Variants in MYO1C observed in about 807,000 individuals in gnomAD.
The protein encoded by MYO1C is myosin IC.
Under a neutral mutation model 150.8 loss-of-function variants are expected in MYO1C, and 104 were observed. The observed-to-expected ratio is 0.69, with a 90% CI of 0.59 to 0.81. The LOEUF (loss-of-function observed/expected upper bound fraction) is 0.81, where lower values mean the gene tolerates loss of function less well. MYO1C is among the 30% of genes least tolerant of loss of function. The pLI is 0.00. For synonymous variants in MYO1C, 663 were observed against 579.9 expected, an observed-to-expected ratio of 1.14 and a Z score of -2.06; for missense variants, 1,504 against 1,435.0, an observed-to-expected ratio of 1.05 and a Z score of -0.78.
chr17:1,487,840 G>C (rs1227788534), intron 1 of MYO1C, among the ~76,000 whole-genome samples: 1 of 152,222 alleles, frequency 6.6e-6, no homozygotes. Context: ...AGAATCGCTT[G>C]AACCCGGGAG....
Position 1,467,269 on chromosome 17 carries a change from G to C in MYO1C, c.3138C>G (p.Thr1046=). The part of the protein sequence containing the change: ...DFTPGSELLI[T]KAKNGHLAVV... ...CAGCCAGGTGCCCGTTCTTGGCCTT[G>C]GTGATGAGCAGCTCCGAGCCGGGTG... The change falls in exon 31 of 32, where the codon ACC becomes ACG. Residue 1046 remains threonine, a synonymous_variant. Coordinates refer to ENST00000648651, the MANE Select transcript of MYO1C (RefSeq NM_001080779.2). 1 of 1,613,402 alleles carries C rather than the reference G, an allele frequency of 6.2e-7. No homozygotes were observed. Among genetic ancestry groups the C allele is most frequent in the Non-Finnish European group, 8.5e-7 (1 of 1,179,756 alleles).
chr17:1,468,181 G>A (rs1236807688), intron 27 of MYO1C, 58 bp from the exon 28 acceptor site: 12 of 1,610,920 alleles, frequency 7.4e-6, no homozygotes, highest in South Asian at 1.1e-5. Flanking sequence ...CTCCGCCCCT[G>A]CCCTGACCTG....
intron 1 of MYO1C, chr17:1,484,901 G>A (rs866551301): frequency 1.1e-4 from 5 of 45,960 alleles, no homozygotes; most frequent in Middle Eastern, 5.8e-3. Flanking sequence ...CACCTCCACC[G>A]GTAGAGCGTC....
Position 1,478,614 on chromosome 17 carries a change from A to T in MYO1C, c.1212+2T>A. ...TGGGAGCAGTGTGGACCGAGCCCTC[A>T]CCTTGGAGGCCAGCGACCTGTTGAT... On this transcript the variant is annotated splice_donor_variant, in intron 10 of 31. Coordinates refer to ENST00000648651, the MANE Select transcript of MYO1C (RefSeq NM_001080779.2). LOFTEE classifies it high-confidence loss of function. The surrounding 1 kb of genome is among the most constrained non-coding windows in gnomAD (Gnocchi z 6.3). The T allele has an allele frequency of 6.2e-7, 1 of 1,613,920 alleles. No individual in the cohort carries two copies. The highest frequency in any genetic ancestry group is 8.5e-7 in the Non-Finnish European group (1 of 1,179,956).
intron 2 of MYO1C, 97 bp downstream of exon 2, chr17:1,484,051 A>G: frequency 2.0e-6 from 3 of 1,505,350 alleles, no homozygotes; most frequent in Non-Finnish European, 2.7e-6. Flanking sequence ...AAAAAAAAAA[A>G]AAAAGTTTAT....
In MYO1C at chr17:1,470,040, A is replaced by G. The variant is rs545609813; in HGVS notation, c.2526+135T>C. ...AGACTCCATCTCAAAAAAAAAAGAG[A>G]CCTTACTTTTCACTGCTCAGCTCTG... On this transcript the variant is annotated intron_variant, in intron 24 of 31. Transcript: ENST00000648651. 5 of 929,256 alleles carry G rather than the reference A, an allele frequency of 5.4e-6. No homozygotes were observed. In the African/African-American group the frequency reaches 6.7e-5, roughly 12 times the overall value. The allele number at this position is 929,256 out of a possible 1,614,324, so 57.6% of individuals were successfully genotyped here. A position where few individuals can be genotyped will look rare whatever the true frequency, so the allele number is the denominator to read the frequency against.
intron 1 of MYO1C, among the ~76,000 whole-genome samples, chr17:1,487,429 G>A (rs2074676896): frequency 6.6e-6 from 1 of 152,254 alleles, no homozygotes; most frequent in South Asian, 2.1e-4. Context: ...GCGAGGCTGC[G>A]GCAGGTGCGG....
chr17:1,484,449 C>T (rs1225954783), intron 1 of MYO1C, 146 bp from the exon 2 acceptor site: 6 of 506,086 alleles, frequency 1.2e-5, no homozygotes, highest in African/African-American at 9.4e-5. Context: ...GTGCGGGGGG[C>T]CTGGGTGCTG....
Position 1,479,224 on chromosome 17 carries a change from C to T in MYO1C, c.1092+207G>A, listed in dbSNP as rs138908079. On this transcript the variant is annotated intron_variant, in intron 9 of 31. Coordinates refer to ENST00000648651, the MANE Select transcript of MYO1C (RefSeq NM_001080779.2). This position sits in a 1 kb window ranked among gnomAD's most constrained non-coding sequence, Gnocchi z 4.2. ...GCCAAGATGGTCTCGAACTCCTGAC[C>T]TCAGGTGACCTGCCCACCTCAGCCT... Among the ~76,000 whole-genome samples, 233 of 152,260 alleles carry T rather than the reference C, an allele frequency of 1.5e-3. 1 individual carries two copies. The highest frequency in any genetic ancestry group is 5.5e-3 in the African/African-American group (229 of 41,546).
chr17:1,468,698 C>T, intron 25 of MYO1C: 1 of 609,232 alleles, frequency 1.6e-6, no homozygotes, highest in South Asian at 1.9e-5. Context: ...AAGCACTCCC[C>T]AGCGGGGTCA....
rs779937370 is a variant in MYO1C, at chr17:1,474,686, A to G, written c.1721T>C (p.Met574Thr). Residue 574 changes from methionine (M) to threonine (T), a missense_variant, in exon 17 of 32, where the codon ATG (methionine) becomes ACG (threonine). Transcript: ENST00000648651. ...CATAATGGGATTCTTTGAGCTACAC[A>G]TGGTCTGTGTGGGCAGAGCCGGGGT... ...DLLFRNLKET[M>T]CSSKNPIMSQ... 4.3e-6 allele frequency: 7 copies of G among 1,613,924 alleles called. No individual in the cohort carries two copies. The highest frequency in any genetic ancestry group is 1.6e-4 in the Middle Eastern group (1 of 6,062).
At chr17:1,476,649 G>C (rs886384130) in intron 14 of MYO1C, among the ~76,000 whole-genome samples, 2 of 152,224 alleles carry the variant, frequency 1.3e-5, no homozygotes, top group Non-Finnish European at 2.9e-5. Context: ...AGCAGCTGCA[G>C]GTGAAGCGAC....
chr17:1,471,873 C>T, intron 19 of MYO1C, 34 bp downstream of exon 19: 1 of 1,603,492 alleles, frequency 6.2e-7, no homozygotes. Context: ...CCTCCCGCTC[C>T]CCTTCCCTGG....
At chr17:1,476,988 G>C (rs1455622895) in intron 14 of MYO1C, among the ~76,000 whole-genome samples, 2 of 151,654 alleles carry the variant, frequency 1.3e-5, no homozygotes, top group Non-Finnish European at 2.9e-5. Context: ...ATAGGCACCT[G>C]CCACCACACC....
chr17:1,492,557 G>A lies in MYO1C; in HGVS notation c.-70C>T. The A allele has an allele frequency of 6.9e-7, 1 of 1,447,358 alleles. No individual in the cohort carries two copies. The highest frequency in any genetic ancestry group is 9.5e-7 in the Non-Finnish European group (1 of 1,053,574). 89.7% of individuals were successfully genotyped at this position (1,447,358 alleles called of 1,614,324 possible). ...GCAAGAGCTGCCTGCCCACTGGCGGGCTCCGACCACTCCGGGACCAGGAAC... is the reference window on the plus strand; with the variant it reads ...GCAAGAGCTGCCTGCCCACTGGCGGACTCCGACCACTCCGGGACCAGGAAC... On this transcript the variant is annotated 5_prime_UTR_variant, in exon 1 of 32. Transcript: ENST00000648651.
chr17:1,479,724 G>T lies in MYO1C; in HGVS notation c.907-19C>A. On this transcript the variant is annotated intron_variant, in intron 7 of 31. Coordinates refer to ENST00000648651, the MANE Select transcript of MYO1C (RefSeq NM_001080779.2). This position sits in a 1 kb window ranked among gnomAD's most constrained non-coding sequence, Gnocchi z 4.2. ...GCAGGTCCTGGGGGAGCAGGCCGGG[G>T]GCAGGAGGGGGTGAGAGGGGCCAGA... 6.3e-7 allele frequency: 1 copy of T among 1,582,772 alleles called. No homozygotes were observed. Among genetic ancestry groups the T allele is most frequent in the South Asian group, 1.1e-5 (1 of 87,576 alleles).
At chr17:1,488,714 G>A (rs769516830) in intron 1 of MYO1C, among the ~76,000 whole-genome samples, 11 of 152,222 alleles carry the variant, frequency 7.2e-5, no homozygotes, top group African/African-American at 2.2e-4. Flanking sequence ...TGTCGGTGTC[G>A]TGTGATTCTA....
chr17:1,481,520 G>C (rs1385398289), intron 5 of MYO1C, among the ~76,000 whole-genome samples: 1 of 151,478 alleles, frequency 6.6e-6, no homozygotes, highest in Non-Finnish European at 1.5e-5. Context: ...TTTTATTTTT[G>C]GAGACAGGGT....
At chr17:1,485,816 C>A (rs1187015580) in intron 1 of MYO1C, 1 of 659,710 alleles carries the variant, frequency 1.5e-6, no homozygotes, top group Non-Finnish European at 1.9e-6. Context: ...CCCCGCACCG[C>A]CCCCACCCGG....
Sources: gnomAD v4.1 joint callset for allele counts (sites outside exome capture counted in the v4.1 genomes callset) on GRCh38, gnomAD v4.1.1 for gene constraint, Gnocchi (gnomAD v3.1) non-coding constraint, MANE v1.5 for transcripts, NCBI Gene and HGNC (gene_info 2026-07-23, HGNC 2026-07-21) for gene names.